Variants in ANKRD55 observed in about 807,000 individuals in gnomAD.
ANKRD55 encodes the protein ankyrin repeat domain 55, also known as ankyrin repeat domain-containing protein 55.
ANKRD55 carries 41 observed loss-of-function variants against 60.6 expected under a neutral mutation model. That is an observed-to-expected ratio of 0.68 (90% CI 0.53 to 0.88). The LOEUF (loss-of-function observed/expected upper bound fraction) is 0.88, where lower values mean the gene tolerates loss of function less well. Ranked by LOEUF, ANKRD55 falls within the 40% of genes least tolerant of loss-of-function variation. The pLI, the probability that ANKRD55 is intolerant of heterozygous loss-of-function variation, is 0.00. For synonymous variants in ANKRD55, 264 were observed against 290.3 expected (o/e 0.91, Z 0.92); for missense variants, 732 against 767.6 (o/e 0.95, Z 0.55).
intron 2 of ANKRD55, among the ~76,000 whole-genome samples, chr5:56,210,539 C>T (rs1281306694): frequency 2.5e-5 from 3 of 117,788 alleles, no homozygotes; most frequent in East Asian, 2.6e-4. Context: ...CCAGCCTGGG[C>T]GACAGAGCGA....
chr5:56,213,006 T>C (rs1352173106), intron 2 of ANKRD55, among the ~76,000 whole-genome samples: 1 of 152,212 alleles, frequency 6.6e-6, no homozygotes, highest in African/African-American at 2.4e-5. Context: ...AAAACTATAT[T>C]GTGGTCCTGG....
chr5:56,111,900 G>T, intron 9 of ANKRD55, 118 bp from the exon 10 acceptor site: 1 of 987,286 alleles, frequency 1.0e-6, no homozygotes, highest in Non-Finnish European at 1.4e-6. Flanking sequence ...ATCCTTCCTA[G>T]ATACCTCCAA....
intron 4 of ANKRD55, among the ~76,000 whole-genome samples, chr5:56,173,600 A>C (rs192169078): frequency 2.2e-5 from 3 of 136,788 alleles, no homozygotes; most frequent in Non-Finnish European, 4.6e-5. Context: ...ATATATATAT[A>C]TATATATCTT....
At chr5:56,153,444 T>A (rs944195749) in intron 6 of ANKRD55, among the ~76,000 whole-genome samples, 3 of 152,210 alleles carry the variant, frequency 2.0e-5, no homozygotes, top group Non-Finnish European at 4.4e-5. Context: ...CTGGTGTTTA[T>A]GATGGTGAAA....
At chr5:56,180,442 A>G (rs1023876916) in intron 3 of ANKRD55, among the ~76,000 whole-genome samples, 1 of 152,214 alleles carries the variant, frequency 6.6e-6, no homozygotes, top group Non-Finnish European at 1.5e-5. Flanking sequence ...TTGTCTATAT[A>G]CACAAAAAAT....
At chr5:56,131,793 C>T (rs1416238630) in intron 7 of ANKRD55, among the ~76,000 whole-genome samples, 2 of 26,518 alleles carry the variant, frequency 7.5e-5, no homozygotes, top group Non-Finnish European at 1.3e-4. Flanking sequence ...AAGACTCCGT[C>T]TCAAAAAAAA....
At chr5:56,181,529 G>C (rs765365404) in intron 3 of ANKRD55, among the ~76,000 whole-genome samples, 1 of 152,000 alleles carries the variant, frequency 6.6e-6, no homozygotes, top group Non-Finnish European at 1.5e-5. Flanking sequence ...TTCAAATATT[G>C]AACCAGTCTT....
Position 56,177,228 on chromosome 5 carries a change from T to C in ANKRD55, c.182-946A>G, listed in dbSNP as rs115802007. Among the ~76,000 whole-genome samples the C allele has an allele frequency of 6.7e-3, 1,025 of 152,150 alleles. 10 individuals carry two copies. The highest frequency in any genetic ancestry group is 0.023 in the African/African-American group (970 of 41,512). On this transcript the variant is annotated intron_variant, in intron 3 of 11. Transcript: ENST00000341048. ...AGTCCCTAGGACACCAGAAATTGAG[T>C]TGCAGTCGGCAACTCAATTTCTCTC...
chr5:56,177,214 CACCA>C, intron 3 of ANKRD55, among the ~76,000 whole-genome samples: 1 of 152,058 alleles, frequency 6.6e-6, no homozygotes, highest in Non-Finnish European at 1.5e-5. Context: ...GTCCCTAGGA[CACCA>C]GAAATTGAGT....
At chr5:56,112,830 G>A (rs939358079) in intron 9 of ANKRD55, among the ~76,000 whole-genome samples, 1 of 152,198 alleles carries the variant, frequency 6.6e-6, no homozygotes, top group African/African-American at 2.4e-5. Context: ...TCTGGAGTGA[G>A]ATATCGCAAT....
intron 5 of ANKRD55, among the ~76,000 whole-genome samples, chr5:56,163,818 T>C (rs1369765712): frequency 6.6e-6 from 1 of 152,238 alleles, no homozygotes; most frequent in Non-Finnish European, 1.5e-5. Context: ...CCAGGTGCGC[T>C]GGCTCACGCC....
At chr5:56,196,698 C>G (rs1008457332) in intron 2 of ANKRD55, among the ~76,000 whole-genome samples, 1 of 152,086 alleles carries the variant, frequency 6.6e-6, no homozygotes, top group Non-Finnish European at 1.5e-5. Context: ...GCCAGTAATA[C>G]CCAAATTAAC....
chr5:56,135,356 TTTCTTTCTTTCC>T (rs1482276023), intron 7 of ANKRD55, among the ~76,000 whole-genome samples: 1 of 53,724 alleles, frequency 1.9e-5, no homozygotes, highest in South Asian at 6.5e-4. Context: ...TCTTTCTTTC[TTTCTTTCTTTCC>T]TTCTTTCTTT....
intron 2 of ANKRD55, 95 bp downstream of exon 2, chr5:56,232,761 C>CACAA: frequency 7.8e-7 from 1 of 1,283,312 alleles, no homozygotes; most frequent in African/African-American, 1.5e-5. Context: ...CACACACACA[C>CACAA]ACACACACTT....
intron 2 of ANKRD55, among the ~76,000 whole-genome samples, chr5:56,213,267 T>C (rs1341107328): frequency 6.6e-6 from 1 of 152,184 alleles, no homozygotes; most frequent in Non-Finnish European, 1.5e-5. Context: ...AATTATGTTT[T>C]AAAGAAAACA....
At chr5:56,208,371 A>G (rs1759566216) in intron 2 of ANKRD55, among the ~76,000 whole-genome samples, 2 of 152,106 alleles carry the variant, frequency 1.3e-5, no homozygotes, top group Admixed American at 6.5e-5. Flanking sequence ...ACTATAAAGT[A>G]TTAACGTACT....
At chr5:56,164,472 T>C (rs1350811128) in intron 5 of ANKRD55, among the ~76,000 whole-genome samples, 1 of 152,112 alleles carries the variant, frequency 6.6e-6, no homozygotes, top group Non-Finnish European at 1.5e-5. Flanking sequence ...TCTTCCTCCC[T>C]TGGGCTGCAG....
At chr5:56,154,789 A>G (rs1292600235) in intron 6 of ANKRD55, among the ~76,000 whole-genome samples, 1 of 152,058 alleles carries the variant, frequency 6.6e-6, no homozygotes. Flanking sequence ...GGGTTTGGCC[A>G]TGTTGGCCAG....
At chr5:56,227,880 A>G (rs886300482) in intron 2 of ANKRD55, among the ~76,000 whole-genome samples, 11 of 152,168 alleles carry the variant, frequency 7.2e-5, no homozygotes, top group African/African-American at 2.4e-4. Flanking sequence ...ATGCTCCATA[A>G]ACATTCGCTC....
Sources: allele counts gnomAD v4.1 joint callset (sites outside exome capture counted in the v4.1 genomes callset), GRCh38; gene constraint gnomAD v4.1.1; transcripts MANE v1.5; gene names NCBI Gene and HGNC (gene_info 2026-07-23, HGNC 2026-07-21).